The following TRIM77 variants were observed in gnomAD, a reference collection of about 807,000 sequenced individuals.
The protein encoded by TRIM77 is tripartite motif-containing protein 77.
In TRIM77, 23 loss-of-function variants were observed where a neutral mutation model predicts 31.8. That is an observed-to-expected ratio of 0.72 (90% CI 0.52 to 1.02). The LOEUF is 1.02. TRIM77 is among the 50% of genes least tolerant of loss of function. TRIM77 has a pLI of 0.00. For synonymous variants in TRIM77, 159 were observed against 183.1 expected (o/e 0.87, Z 1.06); for missense variants, 446 against 539.2 (o/e 0.83, Z 1.71).
At position 89,714,173 on chromosome 11, in the gene TRIM77, T is replaced by C. The variant is rs1012139480; in HGVS notation, c.508-19T>C. On this transcript the variant is annotated intron_variant, in intron 2 of 5. Coordinates refer to ENST00000398290, the MANE Select transcript of TRIM77 (RefSeq NM_001146162.1). ...AAACCACTTAGACACATGATTTAAT[T>C]AATCAACTATCACTACAGGTTTTTA... 4 of 1,487,856 alleles carry C rather than the reference T, an allele frequency of 2.7e-6. No homozygotes were observed. The highest frequency in any genetic ancestry group is 2.5e-5 in the South Asian group (2 of 79,186). The allele number at this position is 1,487,856 out of a possible 1,614,324, so 92.2% of individuals were successfully genotyped here. A position where few individuals can be genotyped will look rare whatever the true frequency, so the allele number is the denominator to read the frequency against.
Position 89,710,356 on chromosome 11 carries a change from G to T in TRIM77, c.58G>T (p.Asp20Tyr), listed in dbSNP as rs1949113207. Reference sequence around the variant, plus strand: ...TGAGCTCACCTGCTCGATCTGCACAGACTATTTGACAGACCCTGTCACCAT... The same window carrying T: ...TGAGCTCACCTGCTCGATCTGCACATACTATTTGACAGACCCTGTCACCAT... ...TSELTCSICT[D>Y]YLTDPVTICC... The change falls in exon 1 of 6, where the codon GAC (aspartate) becomes TAC (tyrosine). Residue 20 changes from aspartate (D) to tyrosine (Y), a missense_variant. Physicochemically the swap from Asp to Tyr is radical, Grantham distance 160. Coordinates refer to ENST00000398290, the MANE Select transcript of TRIM77 (RefSeq NM_001146162.1). 6.4e-7 allele frequency: 1 copy of T among 1,551,804 alleles called. No individual in the cohort carries two copies. The highest frequency in any genetic ancestry group is 8.7e-7 in the Non-Finnish European group (1 of 1,146,820).
intron 3 of TRIM77, 101 bp from the exon 4 acceptor site, chr11:89,715,057 T>C: frequency 8.7e-7 from 1 of 1,151,224 alleles, no homozygotes; most frequent in Non-Finnish European, 1.2e-6. Context: ...TGGAAGACGT[T>C]AAGTTTTCCA....
Position 89,710,378 on chromosome 11 carries a change from C to T in TRIM77, c.80C>T (p.Thr27Ile). 1 of 1,552,082 alleles carries T rather than the reference C, an allele frequency of 6.4e-7. No homozygotes were observed. Among genetic ancestry groups the T allele is most frequent in the Non-Finnish European group, 8.7e-7 (1 of 1,147,052 alleles). ...ICTDYLTDPVTICCGHRFCSP... is the reference protein window; with the variant it reads ...ICTDYLTDPVIICCGHRFCSP... ...ACAGACTATTTGACAGACCCTGTCACCATTTGTTGTGGGCACAGATTTTGT... is the reference window on the plus strand; with the variant it reads ...ACAGACTATTTGACAGACCCTGTCATCATTTGTTGTGGGCACAGATTTTGT... Residue 27 changes from threonine (T) to isoleucine (I), a missense_variant, in exon 1 of 6, where the codon ACC becomes ATC. Thr to Ile is a moderately conservative substitution (Grantham distance 89, BLOSUM62 -1). Around this residue, in one of 3 missense-constraint regions of TRIM77, gnomAD observed 72 missense variants for 64.7 expected, o/e 1.11. Coordinates refer to ENST00000398290, the MANE Select transcript of TRIM77 (RefSeq NM_001146162.1).
At chr11:89,717,353 G>T in intron 5 of TRIM77, 26 bp from the exon 6 acceptor site, 3 of 1,498,152 alleles carry the variant, frequency 2.0e-6, no homozygotes, top group South Asian at 1.3e-5. Context: ...CTGTTTTTTT[G>T]CATTCACTGT....
In TRIM77 at chr11:89,715,182, T is replaced by C. The variant is rs1224725904; in HGVS notation, c.761+2T>C. The C allele has an allele frequency of 6.4e-7, 1 of 1,551,558 alleles. No individual in the cohort carries two copies. The highest frequency in any genetic ancestry group is 1.4e-5 in the African/African-American group (1 of 73,120). On this transcript the variant is annotated splice_donor_variant, in intron 4 of 5. Coordinates refer to ENST00000398290, the MANE Select transcript of TRIM77 (RefSeq NM_001146162.1). LOFTEE classifies it high-confidence loss of function. Reference sequence around the variant, plus strand: ...GGATTTGGGAGACGTAATGAAAAGGTAAGTTTGCCCCTCTATCCAAGTCCT... The same window carrying C: ...GGATTTGGGAGACGTAATGAAAAGGCAAGTTTGCCCCTCTATCCAAGTCCT...
chr11:89,710,751 C>G, intron 1 of TRIM77, 42 bp downstream of exon 1: 8 of 1,420,262 alleles, frequency 5.6e-6, no homozygotes, highest in South Asian at 2.9e-5. Flanking sequence ...TGTGAAGAAC[C>G]CTGAATCCTA....
chr11:89,710,310 T>C lies in TRIM77; in HGVS notation c.12T>C (p.Ala4=), dbSNP rs554554529. 1.3e-4 allele frequency: 202 copies of C among 1,519,234 alleles called. No homozygotes were observed. In the Middle Eastern group the frequency reaches 2.4e-3, roughly 18 times the overall value. The allele number at this position is 1,519,234 out of a possible 1,614,324, so 94.1% of individuals were successfully genotyped here. Residue 4 remains alanine (A), a synonymous_variant, in exon 1 of 6, where the codon GCT becomes GCC. Coordinates refer to ENST00000398290, the MANE Select transcript of TRIM77 (RefSeq NM_001146162.1). The part of the protein sequence containing the change: MAS[A]ITQCSTSELT... ...ATTTCCTCAGAAACATGGCTTCTGC[T>C]ATCACGCAGTGTTCTACCAGTGAGC...
Position 89,710,345 on chromosome 11 carries a change from C to T in TRIM77, c.47C>T (p.Ser16Leu), listed in dbSNP as rs376362452. ...TQCSTSELTC[S>L]ICTDYLTDPV... ...TGTTCTACCAGTGAGCTCACCTGCT[C>T]GATCTGCACAGACTATTTGACAGAC... Residue 16 changes from serine to leucine, a missense_variant, in exon 1 of 6, where the codon TCG becomes TTG. By Grantham distance (145) the Ser-to-Leu change is moderately radical. Transcript: ENST00000398290. The T allele has an allele frequency of 6.8e-5, 105 of 1,545,664 alleles. No homozygotes were observed. The East Asian group carries it at 2.0e-3, about 29-fold the overall frequency.
At position 89,717,624 on chromosome 11, in the gene TRIM77, C is replaced by A. The variant is rs556799638; in HGVS notation, c.1105C>A (p.Arg369=). 20 of 1,551,196 alleles carry A rather than the reference C, an allele frequency of 1.3e-5. No homozygotes were observed. Among genetic ancestry groups the A allele is most frequent in the Non-Finnish European group, 1.7e-5 (20 of 1,146,762 alleles). Residue 369 remains arginine (R), a synonymous_variant, in exon 6 of 6, where the codon CGA becomes AGA. Transcript: ENST00000398290. ...REAWTKRNDM[R]LDSEGIFLLL... is the part of the protein sequence containing the mutation. Reference sequence around the variant, plus strand: ...AGCCTGGACAAAGAGGAATGACATGCGACTTGACTCTGAGGGTATCTTTCT... The same window carrying A: ...AGCCTGGACAAAGAGGAATGACATGAGACTTGACTCTGAGGGTATCTTTCT...
At chr11:89,712,759 G>C (rs1187356188) in intron 2 of TRIM77, among the ~76,000 whole-genome samples, 1 of 152,272 alleles carries the variant, frequency 6.6e-6, no homozygotes, top group East Asian at 1.9e-4. Flanking sequence ...TTTGGTTCAG[G>C]AAAGAGTAGG....
intron 5 of TRIM77, among the ~76,000 whole-genome samples, chr11:89,716,399 T>C (rs533181545): frequency 2.0e-5 from 3 of 152,148 alleles, no homozygotes; most frequent in Non-Finnish European, 4.4e-5. Context: ...TACCTAAAGA[T>C]TGAAGTTTTA....
Position 89,717,791 on chromosome 11 carries a change from C to T in TRIM77, c.1272C>T (p.Ala424=). ...GGATAGTGAGCTTTGTTAATGTTGC[C>T]CAAAGTTCCCTCATTTGTAGTTTCC... ...ECGIVSFVNV[A]QSSLICSFLS... is the part of the protein sequence containing the mutation. The change falls in exon 6 of 6, where the codon GCC becomes GCT. Residue 424 remains alanine (A), a synonymous_variant. Coordinates refer to ENST00000398290, the MANE Select transcript of TRIM77 (RefSeq NM_001146162.1). 6.4e-7 allele frequency: 1 copy of T among 1,550,912 alleles called. No homozygotes were observed. The highest frequency in any genetic ancestry group is 1.2e-5 in the South Asian group (1 of 84,008).
At position 89,715,195 on chromosome 11, in the gene TRIM77, C is replaced by T. The variant is rs368801487; in HGVS notation, c.761+15C>T. The T allele has an allele frequency of 5.0e-5, 78 of 1,550,794 alleles. No homozygotes were observed. The highest frequency in any genetic ancestry group is 6.3e-5 in the Non-Finnish European group (72 of 1,146,170). ...GTAATGAAAAGGTAAGTTTGCCCCT[C>T]TATCCAAGTCCTGGTAATTGTGACA... On this transcript the variant is annotated intron_variant, in intron 4 of 5. Transcript: ENST00000398290.
chr11:89,711,867 G>C (rs1391241268), intron 2 of TRIM77, among the ~76,000 whole-genome samples: 1 of 152,148 alleles, frequency 6.6e-6, no homozygotes, highest in East Asian at 1.9e-4. Flanking sequence ...AAATCAATCT[G>C]ATGCTAATGT....
chr11:89,710,659 C>T lies in TRIM77; in HGVS notation c.361C>T (p.His121Tyr). 6.4e-7 allele frequency: 1 copy of T among 1,550,540 alleles called. No individual in the cohort carries two copies. The highest frequency in any genetic ancestry group is 1.7e-4 in the Middle Eastern group (1 of 5,980). ...TTTTCTATGCTCTCAATCCCCAAGG[C>T]ATGCTACTCACAAACACTATATGAC... ...LCFLCSQSPRHATHKHYMTRE... is the reference protein window; with the variant it reads ...LCFLCSQSPRYATHKHYMTRE... The change falls in exon 1 of 6, where the codon CAT becomes TAT. Residue 121 changes from histidine to tyrosine, a missense_variant. This residue lies in a region of TRIM77 where 366 missense variants were observed against 447.9 expected (regional missense o/e 0.82). Coordinates refer to ENST00000398290, the MANE Select transcript of TRIM77 (RefSeq NM_001146162.1).
intron 3 of TRIM77, among the ~76,000 whole-genome samples, chr11:89,714,886 G>A (rs1432357829): frequency 6.6e-6 from 1 of 152,234 alleles, no homozygotes; most frequent in African/African-American, 2.4e-5. Context: ...TGTTTGTACA[G>A]TAGAATGTCT....
chr11:89,716,062 T>C (rs1591485757), intron 5 of TRIM77, 75 bp downstream of exon 5: 1 of 820,684 alleles, frequency 1.2e-6, no homozygotes, highest in South Asian at 2.5e-5. Flanking sequence ...GTTTAGTCTA[T>C]ATTCACTTCT....
intron 2 of TRIM77, among the ~76,000 whole-genome samples, chr11:89,711,706 T>C (rs1247472437): frequency 6.6e-6 from 1 of 152,152 alleles, no homozygotes; most frequent in East Asian, 1.9e-4. Context: ...TCCTGATTTT[T>C]CTGAATAAAG....
intron 5 of TRIM77, among the ~76,000 whole-genome samples, chr11:89,717,023 T>C (rs1000428182): frequency 2.0e-5 from 3 of 151,954 alleles, no homozygotes; most frequent in Non-Finnish European, 4.4e-5. Context: ...CTTAGTTGCT[T>C]GATTAAAGAT....
Sources: gnomAD v4.1 joint callset for allele counts (sites outside exome capture counted in the v4.1 genomes callset) on GRCh38, gnomAD v4.1.1 for gene constraint, gnomAD v4.1.1 regional missense constraint, MANE v1.5 for transcripts, NCBI Gene and HGNC (gene_info 2026-07-23, HGNC 2026-07-21) for gene names.